Variants in ATPAF2 observed in about 807,000 individuals in gnomAD.
ATPAF2 encodes the protein ATP12 homolog.
Under a neutral mutation model 36.6 loss-of-function variants are expected in ATPAF2, and 30 were observed. That is an observed-to-expected ratio of 0.82 (90% CI 0.61 to 1.11). ATPAF2 has a LOEUF of 1.11. Ranked by LOEUF, ATPAF2 falls within the 50% of genes most tolerant of loss-of-function variation. The pLI is 0.00. For missense variants in ATPAF2, 321 were observed against 372.3 expected (o/e 0.86, Z 1.13); for synonymous variants, 140 against 152.6 (o/e 0.92, Z 0.61).
chr17:18,030,448 A>G (rs1487922509), intron 1 of ATPAF2, among the ~76,000 whole-genome samples: 2 of 147,482 alleles, frequency 1.4e-5, no homozygotes, highest in African/African-American at 5.0e-5. Context: ...CTGAGGCTTC[A>G]GGTGAGCTGT....
chr17:18,035,355 A>C (rs1044309974), intron 1 of ATPAF2, among the ~76,000 whole-genome samples: 2 of 152,244 alleles, frequency 1.3e-5, no homozygotes, highest in Non-Finnish European at 2.9e-5. Flanking sequence ...TAAAAGAACA[A>C]AGGAAAGTAG....
chr17:18,019,023 C>G (rs116046447), intron 7 of ATPAF2, among the ~76,000 whole-genome samples: 2,052 of 152,180 alleles, frequency 0.013, 38 homozygotes, highest in African/African-American at 0.046. Flanking sequence ...CCTGTAGTCC[C>G]AGCTATTTGA....
At chr17:18,024,539 AG>A in intron 5 of ATPAF2, 84 bp downstream of exon 5, 1 of 1,138,110 alleles carries the variant, frequency 8.8e-7, no homozygotes, top group South Asian at 1.2e-5. Context: ...TAAGGGCACT[AG>A]TTTTCCAGCG....
Position 18,021,293 on chromosome 17 carries a change from C to A in ATPAF2, c.617-55G>T, listed in dbSNP as rs2044466234. On this transcript the variant is annotated intron_variant, in intron 6 of 7. Transcript: ENST00000474627. ...AAAACAGGGCAGCTGCCACAACCTA[C>A]CCCTTGTGAGTCCCAGCAGCCCTAG... The A allele has an allele frequency of 2.2e-6, 3 of 1,382,784 alleles. No individual in the cohort carries two copies. The East Asian group carries it at 7.2e-5, about 33-fold the overall frequency. 85.7% of individuals were successfully genotyped at this position (1,382,784 alleles called of 1,614,324 possible).
In ATPAF2 at chr17:18,028,219, G is replaced by A. The variant is rs369580601; in HGVS notation, c.324+13C>T. 12 of 1,614,162 alleles carry A rather than the reference G, an allele frequency of 7.4e-6. No homozygotes were observed. Among genetic ancestry groups the A allele is most frequent in the Non-Finnish European group, 1.0e-5 (12 of 1,180,024 alleles). On this transcript the variant is annotated intron_variant, in intron 3 of 7. Coordinates refer to ENST00000474627, the MANE Select transcript of ATPAF2 (RefSeq NM_145691.4). ...GGGTCTCAGGGTCCAGGTTCACACT[G>A]TGAACTTGTTACCAGGTGCATGGTG...
Position 18,021,205 on chromosome 17 carries a change from A to G in ATPAF2, c.650T>C (p.Met217Thr), listed in dbSNP as rs756853598. The G allele has an allele frequency of 4.3e-6, 7 of 1,613,912 alleles. No homozygotes were observed. The highest frequency in any genetic ancestry group is 5.9e-6 in the Non-Finnish European group (7 of 1,179,972). Reference protein sequence around the residue: ...IEFVAAQLKSMVLTLGLIDLR... With the variant: ...IEFVAAQLKSTVLTLGLIDLR... Reference sequence around the variant, plus strand: ...GTCAATCAGGCCCAAGGTTAGCACCATGGACTTGAGCTGGGCAGCTACAAA... The same window carrying G: ...GTCAATCAGGCCCAAGGTTAGCACCGTGGACTTGAGCTGGGCAGCTACAAA... The change falls in exon 7 of 8, where the codon ATG becomes ACG. Residue 217 changes from methionine to threonine, a missense_variant. Around this residue, in one of 3 missense-constraint regions of ATPAF2, gnomAD observed 199 missense variants for 220.6 expected, o/e 0.90. Coordinates refer to ENST00000474627, the MANE Select transcript of ATPAF2 (RefSeq NM_145691.4).
At chr17:18,024,913 T>A (rs887180773) in intron 4 of ATPAF2, 1 of 588,858 alleles carries the variant, frequency 1.7e-6, no homozygotes, top group Non-Finnish European at 3.1e-6. Context: ...CATTCTCAGG[T>A]TGCATGCCTA....
Position 18,026,390 on chromosome 17 carries a change from G to A in ATPAF2, c.351C>T (p.Asp117=). The change falls in exon 4 of 8, where the codon GAC becomes GAT. Residue 117 remains aspartate (D), a synonymous_variant. Coordinates refer to ENST00000474627, the MANE Select transcript of ATPAF2 (RefSeq NM_145691.4). The stretch of plus-strand genomic sequence containing the variant: ...GATCCTTGTTTCTCTGGGTTGGGTT[G>A]TCCAATGATGTGTTGCACAATGTGG... ...HLTTLCNTSL[D]NPTQRNKDQL... 1 of 1,614,220 alleles carries A rather than the reference G, an allele frequency of 6.2e-7. No homozygotes were observed. Among genetic ancestry groups the A allele is most frequent in the Non-Finnish European group, 8.5e-7 (1 of 1,180,032 alleles).
intron 1 of ATPAF2, among the ~76,000 whole-genome samples, chr17:18,030,320 CA>C (rs1162130285): frequency 0.055 from 3,504 of 64,048 alleles, 34 homozygotes; most frequent in African/African-American, 0.11. Context: ...GACTCCATCT[CA>C]AAAAAAAAAA....
In ATPAF2 at chr17:18,018,411, CG is replaced by C. The variant is rs1568562187; in HGVS notation, c.*137del. 3.2e-6 allele frequency: 4 copies of C among 1,263,570 alleles called. No individual in the cohort carries two copies. The highest frequency in any genetic ancestry group is 2.4e-5 in the South Asian group (2 of 82,228). 78.3% of individuals were successfully genotyped at this position (1,263,570 alleles called of 1,614,324 possible). The stretch of plus-strand genomic sequence containing the variant: ...ACAGCCGTACTAGCGCACTGTGTCT[CG>C]GGGGGAATCTCAGGGTGACGCTGAG... On this transcript the variant is annotated 3_prime_UTR_variant, in exon 8 of 8. Transcript: ENST00000474627.
chr17:18,024,292 C>G (rs1006536826), intron 5 of ATPAF2, among the ~76,000 whole-genome samples: 1 of 152,192 alleles, frequency 6.6e-6, no homozygotes, highest in Admixed American at 6.6e-5. Flanking sequence ...TTCAGCAGAG[C>G]TGGGATTCAA....
intron 1 of ATPAF2, among the ~76,000 whole-genome samples, chr17:18,034,350 A>G (rs1296505910): frequency 6.6e-6 from 1 of 152,306 alleles, no homozygotes; most frequent in East Asian, 1.9e-4. Flanking sequence ...GGCTGCAGTA[A>G]GCTGTAACTG....
chr17:18,031,351 CAGAG>C (rs2044632091), intron 1 of ATPAF2, among the ~76,000 whole-genome samples: 1 of 152,092 alleles, frequency 6.6e-6, no homozygotes, highest in Non-Finnish European at 1.5e-5. Context: ...TACTTACAGA[CAGAG>C]GGCCCAAAAT....
At chr17:18,026,292 G>T in intron 4 of ATPAF2, 27 bp downstream of exon 4, 1 of 1,588,700 alleles carries the variant, frequency 6.3e-7, no homozygotes, top group Non-Finnish European at 8.6e-7. Context: ...TCAATCCAAG[G>T]GGAATGCCCA....
At chr17:18,028,133 G>A (rs1167072926) in intron 3 of ATPAF2, 99 bp downstream of exon 3, 30 of 1,459,416 alleles carry the variant, frequency 2.1e-5, no homozygotes, top group Non-Finnish European at 2.7e-5. Context: ...GACAGGCAAA[G>A]GACCAGCCCC....
intron 1 of ATPAF2, among the ~76,000 whole-genome samples, chr17:18,036,818 A>T (rs2044709811): frequency 6.6e-6 from 1 of 152,170 alleles, no homozygotes; most frequent in African/African-American, 2.4e-5. Flanking sequence ...CACGCCTGTA[A>T]TCCCAGCATT....
intron 1 of ATPAF2, 98 bp from the exon 2 acceptor site, chr17:18,028,757 G>A: frequency 8.9e-7 from 1 of 1,123,780 alleles, no homozygotes; most frequent in Non-Finnish European, 1.3e-6. Context: ...AATGTTGATT[G>A]ATTGGCTTGA....
At chr17:18,016,297 TGAAG>T, downstream of ATPAF2, 6 of 1,261,260 alleles carry the variant, frequency 4.8e-6, no homozygotes, top group Non-Finnish European at 6.8e-6. Context: ...AGGAATGAAA[TGAAG>T]GAAGAAATAA....
chr17:18,029,718 G>A (rs1365554717), intron 1 of ATPAF2, among the ~76,000 whole-genome samples: 1 of 151,770 alleles, frequency 6.6e-6, no homozygotes, highest in Non-Finnish European at 1.5e-5. Flanking sequence ...AGTCCCCTGA[G>A]TAGCTGGGAT....
Sources: gnomAD v4.1 joint callset for allele counts (sites outside exome capture counted in the v4.1 genomes callset) on GRCh38, gnomAD v4.1.1 for gene constraint, gnomAD v4.1.1 regional missense constraint, MANE v1.5 for transcripts, NCBI Gene and HGNC (gene_info 2026-07-23, HGNC 2026-07-21) for gene names.